PTCHD4: variants seen among roughly 807,000 people sequenced by gnomAD.
PTCHD4 encodes patched domain containing 4.
In PTCHD4, 33 loss-of-function variants were observed where a neutral mutation model predicts 58.1. That is an observed-to-expected ratio of 0.57 (90% CI 0.43 to 0.76). The LOEUF (loss-of-function observed/expected upper bound fraction) is 0.76, where lower values mean the gene tolerates loss of function less well. PTCHD4 is among the 30% of genes least tolerant of loss of function. The pLI is 0.00. For missense variants in PTCHD4, 1,058 were observed against 1,027.1 expected, an observed-to-expected ratio of 1.03 and a Z score of -0.41; for synonymous variants, 478 against 409.6, an observed-to-expected ratio of 1.17 and a Z score of -2.02.
chr6:47,912,971 A>C (rs1765116841), intron 4 of PTCHD4, among the ~76,000 whole-genome samples: 1 of 152,082 alleles, frequency 6.6e-6, no homozygotes, highest in Admixed American at 6.6e-5. Flanking sequence ...GAGAGTGAGA[A>C]TCTCTCTTAA....
intron 4 of PTCHD4, among the ~76,000 whole-genome samples, chr6:48,005,935 A>C (rs1455713984): frequency 6.6e-6 from 1 of 152,226 alleles, no homozygotes; most frequent in African/African-American, 2.4e-5. Context: ...AAAACCTAGC[A>C]GAGTGTTCCT....
At chr6:48,042,590 A>G (rs965912527) in intron 3 of PTCHD4, among the ~76,000 whole-genome samples, 2 of 151,978 alleles carry the variant, frequency 1.3e-5, no homozygotes, top group African/African-American at 4.8e-5. Flanking sequence ...CATTCTGAAC[A>G]GAGAAACGGA....
At chr6:47,887,819 G>T (rs886821376) in intron 4 of PTCHD4, among the ~76,000 whole-genome samples, 14 of 152,114 alleles carry the variant, frequency 9.2e-5, no homozygotes, top group Non-Finnish European at 4.4e-5. Context: ...AAGCCCCAAA[G>T]GTTGCTCAAT....
At position 47,878,629 on chromosome 6, in the gene PTCHD4, C is replaced by T. The variant is rs1039676232; in HGVS notation, c.2206G>A (p.Ala736Thr). 4.3e-6 allele frequency: 7 copies of T among 1,613,430 alleles called. No homozygotes were observed. In the African/African-American group the frequency reaches 9.3e-5, roughly 22 times the overall value. The change falls in exon 5 of 5, where the codon GCA (alanine) becomes ACA (threonine). Residue 736 changes from alanine (A) to threonine (T), a missense_variant. Transcript: ENST00000339488. ...CAPLLFTFVL[A>T]TEHTRTQCIK... ...CATTGTGTTCGGGTGTGCTCAGTTG[C>T]TAATACAAATGTGAAAAGCAGTGGT...
intron 4 of PTCHD4, among the ~76,000 whole-genome samples, chr6:47,959,537 G>C (rs1451640872): frequency 2.0e-5 from 3 of 152,074 alleles, no homozygotes; most frequent in Non-Finnish European, 4.4e-5. Context: ...CTTTTAATTT[G>C]AGGAAAATTA....
intron 4 of PTCHD4, among the ~76,000 whole-genome samples, chr6:47,965,838 C>A (rs764869854): frequency 2.6e-5 from 4 of 152,046 alleles, no homozygotes; most frequent in Admixed American, 6.5e-5. Flanking sequence ...TGGCATGAAC[C>A]CGGGAGGCGG....
intron 3 of PTCHD4, among the ~76,000 whole-genome samples, chr6:48,010,867 C>T (rs1165673989): frequency 6.6e-6 from 1 of 152,138 alleles, no homozygotes; most frequent in Admixed American, 6.6e-5. Context: ...TGTTAGTTTG[C>T]TGAGAATGGT....
intron 4 of PTCHD4, among the ~76,000 whole-genome samples, chr6:47,969,162 A>AT (rs1425932521): frequency 6.6e-6 from 1 of 152,204 alleles, no homozygotes; most frequent in Non-Finnish European, 1.5e-5. Flanking sequence ...TGTAGACAAA[A>AT]TTTTTAAAAA....
intron 4 of PTCHD4, among the ~76,000 whole-genome samples, chr6:47,976,255 C>G (rs185234060): frequency 6.6e-6 from 1 of 152,322 alleles, no homozygotes; most frequent in South Asian, 2.1e-4. Flanking sequence ...ATTCCTTAGT[C>G]TTCTCAGCAT....
chr6:48,093,403 A>C (rs1390558193), intron 1 of PTCHD4, among the ~76,000 whole-genome samples: 1 of 152,080 alleles, frequency 6.6e-6, no homozygotes, highest in Admixed American at 6.6e-5. Flanking sequence ...AAACTTTTTA[A>C]ATTTTATTTC....
intron 4 of PTCHD4, among the ~76,000 whole-genome samples, chr6:48,005,165 C>A (rs1426379985): frequency 6.6e-6 from 1 of 151,894 alleles, no homozygotes; most frequent in East Asian, 1.9e-4. Context: ...GGATGAATGA[C>A]AAGACAAAAA....
At chr6:48,023,583 C>T (rs1009382777) in intron 3 of PTCHD4, among the ~76,000 whole-genome samples, 6 of 152,132 alleles carry the variant, frequency 3.9e-5, no homozygotes, top group Non-Finnish European at 5.9e-5. Context: ...CTTCTGATAT[C>T]GCCTACCTCC....
chr6:47,914,748 C>A (rs1765185772), intron 4 of PTCHD4, among the ~76,000 whole-genome samples: 1 of 103,726 alleles, frequency 9.6e-6, no homozygotes, highest in South Asian at 2.8e-4. Flanking sequence ...TATCTATTAT[C>A]TATCTATCTA....
At chr6:47,898,367 T>G (rs552946249) in intron 4 of PTCHD4, among the ~76,000 whole-genome samples, 17 of 152,328 alleles carry the variant, frequency 1.1e-4, no homozygotes, top group African/African-American at 3.1e-4. Flanking sequence ...ATTTTTAAAT[T>G]TCTGCATAAA....
At chr6:48,051,712 T>C (rs2114171343) in intron 3 of PTCHD4, among the ~76,000 whole-genome samples, 1 of 152,140 alleles carries the variant, frequency 6.6e-6, no homozygotes, top group South Asian at 2.1e-4. Context: ...AATAGTTCCC[T>C]GCTTGCAGAG....
chr6:47,920,066 A>G lies in PTCHD4; in HGVS notation c.899-40130T>C, dbSNP rs568162584. ...CTGTATGGAGCAGAGCCTCCCTGTT[A>G]GAAATAATCCTTTACTGTGTTAAGC... On this transcript the variant is annotated intron_variant, in intron 4 of 4. Transcript: ENST00000339488. Among the ~76,000 whole-genome samples the G allele has an allele frequency of 2.7e-4, 41 of 152,268 alleles. 1 individual carries two copies. In the South Asian group the frequency reaches 8.1e-3, roughly 30 times the overall value.
At chr6:47,975,380 C>T (rs1767655052) in intron 4 of PTCHD4, among the ~76,000 whole-genome samples, 1 of 152,084 alleles carries the variant, frequency 6.6e-6, no homozygotes, top group South Asian at 2.1e-4. Context: ...TTTTCCTAAT[C>T]TTCTTTTTTT....
intron 3 of PTCHD4, among the ~76,000 whole-genome samples, chr6:48,027,752 AC>A (rs1187507583): frequency 2.1e-4 from 32 of 152,210 alleles, no homozygotes; most frequent in Admixed American, 2.0e-3. Flanking sequence ...ACTATGAGAA[AC>A]CTGCAATGTT....
intron 4 of PTCHD4, among the ~76,000 whole-genome samples, chr6:47,913,543 C>A (rs1039468784): frequency 6.6e-6 from 1 of 151,986 alleles, no homozygotes; most frequent in Non-Finnish European, 1.5e-5. Flanking sequence ...CAAACTAGTG[C>A]TTAATAAGAT....
Sources: allele counts gnomAD v4.1 joint callset (sites outside exome capture counted in the v4.1 genomes callset), GRCh38; gene constraint gnomAD v4.1.1; transcripts MANE v1.5; gene names NCBI Gene and HGNC (gene_info 2026-07-23, HGNC 2026-07-21).